The following HOMER1 variants were observed in gnomAD, a reference collection of about 807,000 sequenced individuals.
HOMER1 encodes the protein homer protein homolog 1.
A neutral mutation model predicts 48.9 loss-of-function variants in HOMER1; 3 were observed. The ratio of observed to expected loss-of-function variants is 0.06; its 90% CI spans 0.03 to 0.16. HOMER1 has a LOEUF of 0.16. Among genes scored for constraint, HOMER1 ranks in the 10% least tolerant of loss-of-function variants. The pLI is 1.00. For synonymous variants in HOMER1, 134 were observed against 146.4 expected (o/e 0.92, Z 0.61); for missense variants, 247 against 411.4 (o/e 0.60, Z 3.46).
At chr5:79,435,075 T>C (rs761959320) in intron 5 of HOMER1, among the ~76,000 whole-genome samples, 1 of 152,206 alleles carries the variant, frequency 6.6e-6, no homozygotes, top group Non-Finnish European at 1.5e-5. Flanking sequence ...TAGGAGTTCA[T>C]TATAGTATTT....
At chr5:79,493,548 G>C (rs975217209) in intron 1 of HOMER1, among the ~76,000 whole-genome samples, 5 of 151,388 alleles carry the variant, frequency 3.3e-5, no homozygotes, top group Non-Finnish European at 7.4e-5. Flanking sequence ...TGAATGAATG[G>C]AGGAAACAGA....
intron 1 of HOMER1, among the ~76,000 whole-genome samples, chr5:79,508,741 C>G (rs919026715): frequency 2.0e-5 from 3 of 152,222 alleles, no homozygotes; most frequent in Non-Finnish European, 2.9e-5. Context: ...TAATGCCCCC[C>G]CAACACACAC....
intron 4 of HOMER1, among the ~76,000 whole-genome samples, chr5:79,444,315 C>T (rs1472031463): frequency 3.9e-5 from 6 of 152,160 alleles, no homozygotes; most frequent in Non-Finnish European, 8.8e-5. Flanking sequence ...GCAGTCCTCC[C>T]ACCTTAGCCT....
chr5:79,412,888 AG>A (rs1749845730), intron 5 of HOMER1, among the ~76,000 whole-genome samples: 1 of 152,264 alleles, frequency 6.6e-6, no homozygotes, highest in Admixed American at 6.5e-5. Context: ...ATAACAACTA[AG>A]GGCAAATACA....
chr5:79,456,901 T>G lies in HOMER1; in HGVS notation c.123A>C (p.Thr41=), dbSNP rs746765641. Residue 41 remains threonine (T), a synonymous_variant, in exon 2 of 9, where the codon ACA becomes ACC. Transcript: ENST00000334082. The part of the protein sequence containing the change: ...AVTVSYFYDS[T]RNVYRIISLD... ...AACTGATTATCCTATACACATTTCTTGTGCTGTCATAGAAATAAGACACAG... is the reference window on the plus strand; with the variant it reads ...AACTGATTATCCTATACACATTTCTGGTGCTGTCATAGAAATAAGACACAG... 4 of 1,614,030 alleles carry G rather than the reference T, an allele frequency of 2.5e-6. No homozygotes were observed. The Admixed American group carries it at 6.7e-5, about 27-fold the overall frequency.
At chr5:79,449,051 T>C (rs968943180) in intron 3 of HOMER1, among the ~76,000 whole-genome samples, 8 of 152,256 alleles carry the variant, frequency 5.3e-5, no homozygotes, top group African/African-American at 1.9e-4. Context: ...TAATAAACTA[T>C]TCCTTTACTA....
intron 1 of HOMER1, among the ~76,000 whole-genome samples, chr5:79,479,368 G>A (rs1409071206): frequency 6.6e-6 from 1 of 152,106 alleles, no homozygotes; most frequent in Non-Finnish European, 1.5e-5. Context: ...TGAGATGGGG[G>A]GATTACCCTG....
chr5:79,462,958 G>A (rs1751357900), intron 1 of HOMER1, among the ~76,000 whole-genome samples: 1 of 152,100 alleles, frequency 6.6e-6, no homozygotes, highest in South Asian at 2.1e-4. Context: ...AGTACAAATG[G>A]CTACTGCAGC....
chr5:79,437,674 A>T (rs1750630189), intron 5 of HOMER1, among the ~76,000 whole-genome samples: 1 of 152,180 alleles, frequency 6.6e-6, no homozygotes, highest in South Asian at 2.1e-4. Context: ...TTTTTTATAG[A>T]CAAGGTCTTA....
intron 2 of HOMER1, among the ~76,000 whole-genome samples, chr5:79,451,659 G>A (rs932318144): frequency 9.3e-5 from 13 of 140,532 alleles, no homozygotes; most frequent in Admixed American, 8.0e-5. Context: ...TCCAACTCCC[G>A]GGTTCACGCC....
chr5:79,496,969 G>A (rs1752438491), intron 1 of HOMER1, among the ~76,000 whole-genome samples: 1 of 150,622 alleles, frequency 6.6e-6, no homozygotes, highest in African/African-American at 2.4e-5. Flanking sequence ...GGGAGGCTGA[G>A]GCAGAAGAAT....
chr5:79,439,046 G>C lies in HOMER1; in HGVS notation c.491C>G (p.Ala164Gly). 1 of 1,613,878 alleles carries C rather than the reference G, an allele frequency of 6.2e-7. No homozygotes were observed. Among genetic ancestry groups the C allele is most frequent in the South Asian group, 1.1e-5 (1 of 91,068 alleles). ...TGGCAATGCATTCTGAGTTGGTTCA[G>C]CCCTTGGCTCTGAGTTCTGTGTCAC... Reference protein sequence around the residue: ...PDVTQNSEPRAEPTQNALPFS... With the variant: ...PDVTQNSEPRGEPTQNALPFS... Residue 164 changes from alanine to glycine, a missense_variant, in exon 5 of 9, where the codon GCT (alanine) becomes GGT (glycine). Ala to Gly is a moderately conservative substitution (Grantham distance 60). Coordinates refer to ENST00000334082, the MANE Select transcript of HOMER1 (RefSeq NM_004272.5).
chr5:79,469,732 A>G (rs1000123374), intron 1 of HOMER1, among the ~76,000 whole-genome samples: 97 of 152,074 alleles, frequency 6.4e-4, no homozygotes, highest in African/African-American at 2.2e-3. Context: ...TCCTGGGCTC[A>G]AGGGATCCTC....
chr5:79,424,236 C>T (rs951607973), intron 5 of HOMER1, among the ~76,000 whole-genome samples: 1 of 151,854 alleles, frequency 6.6e-6, no homozygotes, highest in Non-Finnish European at 1.5e-5. Flanking sequence ...GGAGGAAGTA[C>T]CCTTTCTCTA....
intron 5 of HOMER1, among the ~76,000 whole-genome samples, chr5:79,436,252 T>C (rs1421547791): frequency 1.3e-5 from 2 of 152,220 alleles, no homozygotes; most frequent in Non-Finnish European, 2.9e-5. Context: ...GAGTTTTAGA[T>C]TTCAATAAAA....
chr5:79,401,026 T>C (rs1749524523), intron 6 of HOMER1, among the ~76,000 whole-genome samples: 1 of 151,478 alleles, frequency 6.6e-6, no homozygotes. Context: ...TAAAACACTT[T>C]ACAAGTAATT....
chr5:79,416,713 T>TA (rs746821051), intron 5 of HOMER1, among the ~76,000 whole-genome samples: 32 of 152,334 alleles, frequency 2.1e-4, no homozygotes, highest in Non-Finnish European at 4.3e-4. Context: ...GGAATGGAAA[T>TA]ACAAGGGTGA....
At chr5:79,385,357 A>G (rs1269753184) in intron 8 of HOMER1, among the ~76,000 whole-genome samples, 1 of 152,200 alleles carries the variant, frequency 6.6e-6, no homozygotes, top group African/African-American at 2.4e-5. Context: ...TTCATCTGAC[A>G]AGGGACTAAT....
At chr5:79,436,468 C>A (rs111239889) in intron 5 of HOMER1, among the ~76,000 whole-genome samples, 1 of 152,190 alleles carries the variant, frequency 6.6e-6, no homozygotes, top group Admixed American at 6.5e-5. Context: ...ATGTGACTTA[C>A]GCAACTCACC....
Sources: gnomAD v4.1 joint callset for allele counts (sites outside exome capture counted in the v4.1 genomes callset) on GRCh38, gnomAD v4.1.1 for gene constraint, MANE v1.5 for transcripts, NCBI Gene and HGNC (gene_info 2026-07-23, HGNC 2026-07-21) for gene names.